Variants in PPP2R5C observed in about 807,000 individuals in gnomAD.
PPP2R5C encodes the protein protein phosphatase 2 regulatory subunit B'gamma, also known as serine/threonine-protein phosphatase 2A 56 kDa regulatory subunit gamma isoform.
Under a neutral mutation model 68.9 loss-of-function variants are expected in PPP2R5C, and 7 were observed. The observed-to-expected ratio is 0.10, with a 90% CI of 0.06 to 0.19. The LOEUF (loss-of-function observed/expected upper bound fraction) is 0.19. PPP2R5C is among the 10% of genes least tolerant of loss of function. PPP2R5C has a pLI of 1.00. For missense variants in PPP2R5C, 348 were observed against 641.3 expected, an observed-to-expected ratio of 0.54 and a Z score of 4.94; for synonymous variants, 210 against 222.2, an observed-to-expected ratio of 0.95 and a Z score of 0.49.
chr14:101,925,362 A>C (rs1361994930), exon 14 of PPP2R5C: 1 of 1,526,264 alleles, frequency 6.6e-7, no homozygotes, highest in Non-Finnish European at 8.8e-7. Context: ...CCAATCAGTT[A>C]CACTCAAAGC....
At chr14:101,792,385 G>A (rs979941537) in intron 3 of PPP2R5C, among the ~76,000 whole-genome samples, 1 of 152,202 alleles carries the variant, frequency 6.6e-6, no homozygotes, top group African/African-American at 2.4e-5. Flanking sequence ...ATGTGCTAAT[G>A]TCTTGAACAA....
intron 3 of PPP2R5C, among the ~76,000 whole-genome samples, chr14:101,794,014 G>A (rs2038492964): frequency 1.3e-5 from 2 of 152,174 alleles, no homozygotes; most frequent in Non-Finnish European, 2.9e-5. Flanking sequence ...AGCTGAGCCT[G>A]GGGTTTTTAT....
intron 5 of PPP2R5C, among the ~76,000 whole-genome samples, chr14:101,887,106 T>C (rs2044578333): frequency 6.6e-6 from 1 of 152,236 alleles, no homozygotes; most frequent in South Asian, 2.1e-4. Flanking sequence ...TTGGCTCAAC[T>C]TAACTGAAAA....
At chr14:101,846,869 T>G (rs1031221156) in intron 1 of PPP2R5C, among the ~76,000 whole-genome samples, 4 of 152,316 alleles carry the variant, frequency 2.6e-5, no homozygotes, top group East Asian at 3.9e-4. Context: ...CTCATCTGCT[T>G]AAAAATCCTC....
upstream of PPP2R5C, among the ~76,000 whole-genome samples, chr14:101,806,690 T>G (rs1378233412): frequency 6.6e-6 from 1 of 152,232 alleles, no homozygotes; most frequent in African/African-American, 2.4e-5. Context: ...TCGGGCATGG[T>G]GGCTCATGCC....
intron 3 of PPP2R5C, among the ~76,000 whole-genome samples, chr14:101,790,740 T>C (rs748618677): frequency 4.6e-5 from 7 of 152,220 alleles, no homozygotes; most frequent in Non-Finnish European, 8.8e-5. Context: ...AGTAGATACC[T>C]AGGAGTGGAA....
At chr14:101,847,484 G>A (rs577680894) in intron 1 of PPP2R5C, among the ~76,000 whole-genome samples, 5 of 152,124 alleles carry the variant, frequency 3.3e-5, no homozygotes, top group African/African-American at 4.8e-5. Context: ...GCCTTCATCC[G>A]CATGTCTCCC....
chr14:101,765,214 T>G, intron 2 of PPP2R5C: 1 of 702,788 alleles, frequency 1.4e-6, no homozygotes. Flanking sequence ...CACTGAAATG[T>G]TGGGCCCTTC....
rs943993239 is a variant in PPP2R5C at position 101,891,451 on chromosome 14, G to A, written c.689+1155G>A. Among the ~76,000 whole-genome samples, 3 of 142,104 alleles carry A rather than the reference G, an allele frequency of 2.1e-5. No homozygotes were observed. Among genetic ancestry groups the A allele is most frequent in the African/African-American group, 8.8e-5 (3 of 33,966 alleles). 93.2% of individuals were successfully genotyped at this position (142,104 alleles called of 152,430 possible). On this transcript the variant is annotated intron_variant, in intron 6 of 13. Coordinates refer to ENST00000334743, the Ensembl canonical transcript of PPP2R5C. The surrounding 1 kb of genome is among the most constrained non-coding windows in gnomAD (Gnocchi z 4.9). Reference sequence around the variant, plus strand: ...TCTCCCTCAGTGCAGTGCAGTGAGTGGTGAAGAGGATGCCTCTCTTACTAG... The same window carrying A: ...TCTCCCTCAGTGCAGTGCAGTGAGTAGTGAAGAGGATGCCTCTCTTACTAG...
intron 1 of PPP2R5C, among the ~76,000 whole-genome samples, chr14:101,851,039 G>A (rs2042128185): frequency 6.6e-6 from 1 of 152,192 alleles, no homozygotes; most frequent in African/African-American, 2.4e-5. Context: ...GCCTTTCCGA[G>A]AGCTTGAGCG....
intron 5 of PPP2R5C, 37 bp from the exon 8 acceptor site, chr14:101,890,200 C>T: frequency 1.3e-6 from 2 of 1,557,082 alleles, no homozygotes; most frequent in Middle Eastern, 1.7e-4. Context: ...CAGGTTAGTT[C>T]AGTGTCTAAT....
chr14:101,790,809 C>T (rs577205821), intron 3 of PPP2R5C, among the ~76,000 whole-genome samples: 6 of 152,236 alleles, frequency 3.9e-5, no homozygotes, highest in East Asian at 3.9e-4. Context: ...GGCTGGGCAC[C>T]GTGGCTCACG....
chr14:101,927,071 C>T (rs1303045968), exon 14 of PPP2R5C: 7 of 151,766 alleles, frequency 4.6e-5, no homozygotes, highest in Middle Eastern at 6.9e-3. Flanking sequence ...TATAAAGCAG[C>T]GTCTTATGTA....
chr14:101,784,774 C>T (rs747905022), intron 2 of PPP2R5C, among the ~76,000 whole-genome samples: 5 of 152,196 alleles, frequency 3.3e-5, no homozygotes, highest in African/African-American at 7.2e-5. Flanking sequence ...GGGTGGGCAA[C>T]GAGCACATTA....
At chr14:101,785,816 G>C (rs946840873) in intron 2 of PPP2R5C, among the ~76,000 whole-genome samples, 1 of 152,160 alleles carries the variant, frequency 6.6e-6, no homozygotes, top group Non-Finnish European at 1.5e-5. Flanking sequence ...GAGAAATTAG[G>C]CATCTTTGAA....
chr14:101,837,468 C>T (rs1368482370), intron 1 of PPP2R5C, among the ~76,000 whole-genome samples: 1 of 152,114 alleles, frequency 6.6e-6, no homozygotes, highest in Non-Finnish European at 1.5e-5. Flanking sequence ...AGTTTTTAAA[C>T]TTAATATATA....
chr14:101,925,188 C>T (rs1379584376), exon 14 of PPP2R5C: 2 of 1,614,110 alleles, frequency 1.2e-6, no homozygotes, highest in Admixed American at 3.3e-5. Context: ...GCCGCAAGTC[C>T]GAGCTGCCTC....
At chr14:101,794,232 CAT>C (rs2038505335) in intron 3 of PPP2R5C, among the ~76,000 whole-genome samples, 1 of 152,180 alleles carries the variant, frequency 6.6e-6, no homozygotes, top group Admixed American at 6.5e-5. Context: ...TCTTGGCTTT[CAT>C]AGTTTTATCT....
At chr14:101,900,536 T>A (rs1649770545) in intron 8 of PPP2R5C, among the ~76,000 whole-genome samples, 1 of 152,244 alleles carries the variant, frequency 6.6e-6, no homozygotes, top group South Asian at 2.1e-4. Flanking sequence ...TACAATTCAG[T>A]GTGTAAGCAC....
Sources: allele counts gnomAD v4.1 joint callset (sites outside exome capture counted in the v4.1 genomes callset), GRCh38; gene constraint gnomAD v4.1.1; non-coding constraint Gnocchi (gnomAD v3.1); transcripts MANE v1.5; gene names NCBI Gene and HGNC (gene_info 2026-07-23, HGNC 2026-07-21).